Variants in ANKFN1 observed in about 807,000 individuals in gnomAD.
ANKFN1 encodes ankyrin repeat and fibronectin type-III domain-containing protein 1.
In ANKFN1, 74 loss-of-function variants were observed where a neutral mutation model predicts 108.7. The observed-to-expected ratio is 0.68, with a 90% CI of 0.56 to 0.83. The LOEUF (loss-of-function observed/expected upper bound fraction) is 0.83, where lower values mean the gene tolerates loss of function less well. Among genes scored for constraint, ANKFN1 ranks in the 40% least tolerant of loss-of-function variants. The pLI is 0.00. For synonymous variants in ANKFN1, 547 were observed against 516.2 expected, an observed-to-expected ratio of 1.06 and a Z score of -0.81; for missense variants, 1,505 against 1,382.3, an observed-to-expected ratio of 1.09 and a Z score of -1.41.
At chr17:56,257,005 T>A (rs1307704303) in intron 3 of ANKFN1, among the ~76,000 whole-genome samples, 3 of 152,226 alleles carry the variant, frequency 2.0e-5, no homozygotes, top group African/African-American at 4.8e-5. Context: ...GACCTATCAC[T>A]CGCTATCCTG....
intron 8 of ANKFN1, among the ~76,000 whole-genome samples, chr17:56,434,355 A>T (rs2048860914): frequency 6.9e-6 from 1 of 145,690 alleles, no homozygotes; most frequent in South Asian, 2.2e-4. Flanking sequence ...GAAGTAGTGG[A>T]TGCAAGAAGG....
chr17:56,353,591 G>A (rs1041318827), intron 5 of ANKFN1, among the ~76,000 whole-genome samples: 9 of 152,078 alleles, frequency 5.9e-5, no homozygotes, highest in African/African-American at 2.2e-4. Context: ...GCTGAGGTTT[G>A]CTCTTATCTA....
chr17:56,341,254 G>A (rs1447089049), intron 4 of ANKFN1, among the ~76,000 whole-genome samples: 1 of 152,064 alleles, frequency 6.6e-6, no homozygotes, highest in Non-Finnish European at 1.5e-5. Flanking sequence ...TGCAAACAGG[G>A]ATAGTTTTGA....
chr17:56,500,926 A>G (rs2051349012), intron 20 of ANKFN1, among the ~76,000 whole-genome samples: 1 of 152,160 alleles, frequency 6.6e-6, no homozygotes, highest in Admixed American at 6.5e-5. Context: ...AAACAAGATA[A>G]TTTCAGATCG....
At chr17:56,490,325 C>G (rs981251614) in intron 18 of ANKFN1, among the ~76,000 whole-genome samples, 1 of 152,060 alleles carries the variant, frequency 6.6e-6, no homozygotes, top group African/African-American at 2.4e-5. Flanking sequence ...AAACATTTAC[C>G]GTGAATCTTC....
intron 4 of ANKFN1, among the ~76,000 whole-genome samples, chr17:56,146,721 G>A (rs182150302): frequency 6.6e-6 from 1 of 152,254 alleles, no homozygotes; most frequent in East Asian, 1.9e-4. Flanking sequence ...CTGGGCCCTG[G>A]GCCAGGAAAC....
intron 4 of ANKFN1, among the ~76,000 whole-genome samples, chr17:56,134,629 T>C (rs761260420): frequency 1.4e-4 from 21 of 152,216 alleles, no homozygotes; most frequent in Non-Finnish European, 2.2e-4. Flanking sequence ...GCAAGGGTTT[T>C]AGCAGCTCTA....
Position 56,510,638 on chromosome 17 carries a change from CCGACGTCCTGCAAGTGCA to C in ANKFN1, c.2817_2834del (p.Leu940_Val945del). 6.5e-7 allele frequency: 1 copy of C among 1,536,180 alleles called. No individual in the cohort carries two copies. The highest frequency in any genetic ancestry group is 8.7e-7 in the Non-Finnish European group (1 of 1,146,920). On this transcript the variant is annotated inframe_deletion, in exon 21 of 21. Transcript: ENST00000682825. ...CTTAGCGGCCTAAGCGGCAGCGCCC[CCGACGTCCTGCAAGTGCA>C]CGACGTGAAAACCCCTCTGGGGCCG...
chr17:56,206,143 A>G (rs1467744435), intron 1 of ANKFN1, among the ~76,000 whole-genome samples: 1 of 152,126 alleles, frequency 6.6e-6, no homozygotes, highest in Non-Finnish European at 1.5e-5. Context: ...TTTTGGAGAA[A>G]ATGCCCACCA....
chr17:56,059,326 T>A (rs1904933110), intron 4 of ANKFN1, among the ~76,000 whole-genome samples: 1 of 152,250 alleles, frequency 6.6e-6, no homozygotes, highest in Non-Finnish European at 1.5e-5. Context: ...AAATTCTGGA[T>A]ATTAGACCTT....
chr17:56,449,294 T>C, intron 11 of ANKFN1, 108 bp downstream of exon 11: 1 of 726,756 alleles, frequency 1.4e-6, no homozygotes, highest in Non-Finnish European at 2.2e-6. Flanking sequence ...GGGAGAGAGA[T>C]ATTAATATTT....
At chr17:56,255,653 G>GCA (rs1458432660) in intron 3 of ANKFN1, among the ~76,000 whole-genome samples, 1 of 152,174 alleles carries the variant, frequency 6.6e-6, no homozygotes, top group Non-Finnish European at 1.5e-5. Flanking sequence ...GGTCAGTGTG[G>GCA]CAGTGTAACC....
chr17:56,317,278 A>G (rs2045237142), intron 3 of ANKFN1, among the ~76,000 whole-genome samples: 1 of 152,206 alleles, frequency 6.6e-6, no homozygotes, highest in South Asian at 2.1e-4. Context: ...ACCTTCAAGA[A>G]CATTCCAGTT....
chr17:56,201,364 C>T (rs1466762827), intron 1 of ANKFN1, among the ~76,000 whole-genome samples: 1 of 152,200 alleles, frequency 6.6e-6, no homozygotes, highest in Non-Finnish European at 1.5e-5. Flanking sequence ...GCTCCTTTCT[C>T]AGCTGTAAGT....
At chr17:56,398,278 C>T (rs1480493790) in intron 8 of ANKFN1, among the ~76,000 whole-genome samples, 1 of 152,130 alleles carries the variant, frequency 6.6e-6, no homozygotes, top group Non-Finnish European at 1.5e-5. Flanking sequence ...TAATACCTCT[C>T]ATTTCTGGCC....
At chr17:56,418,224 G>T (rs891697375) in intron 8 of ANKFN1, among the ~76,000 whole-genome samples, 5 of 152,110 alleles carry the variant, frequency 3.3e-5, no homozygotes, top group African/African-American at 1.2e-4. Flanking sequence ...TAAATTCTTT[G>T]TTATTTGGTA....
chr17:56,369,307 T>C (rs1490947928), intron 6 of ANKFN1, among the ~76,000 whole-genome samples: 1 of 152,178 alleles, frequency 6.6e-6, no homozygotes, highest in East Asian at 1.9e-4. Context: ...AATAATGTCA[T>C]AGATAAGAAG....
At chr17:56,473,761 A>G (rs941385498) in intron 15 of ANKFN1, 1 of 151,932 alleles carries the variant, frequency 6.6e-6, no homozygotes, top group Non-Finnish European at 1.5e-5. Flanking sequence ...CATTTTAAAG[A>G]GGAAAAAATG....
intron 4 of ANKFN1, among the ~76,000 whole-genome samples, chr17:56,098,341 T>C (rs1472667489): frequency 6.6e-6 from 1 of 152,190 alleles, no homozygotes; most frequent in South Asian, 2.1e-4. Flanking sequence ...TATTTACATT[T>C]GTTCATATTT....
Sources: gnomAD v4.1 joint callset for allele counts (sites outside exome capture counted in the v4.1 genomes callset) on GRCh38, gnomAD v4.1.1 for gene constraint, MANE v1.5 for transcripts, NCBI Gene and HGNC (gene_info 2026-07-23, HGNC 2026-07-21) for gene names.